The following DACT2 variants were observed in gnomAD, a reference collection of about 807,000 sequenced individuals.
The protein encoded by DACT2 is dapper homolog 2.
DACT2 carries 20 observed loss-of-function variants against 22.2 expected under a neutral mutation model. The observed-to-expected ratio is 0.90, with a 90% CI of 0.63 to 1.31. DACT2 has a LOEUF of 1.31. Among genes scored for constraint, DACT2 ranks in the 50% most tolerant of loss-of-function variants. The pLI, the probability that DACT2 is intolerant of heterozygous loss-of-function variation, is 0.00. For synonymous variants in DACT2, 463 were observed against 479.8 expected (o/e 0.96, Z 0.46); for missense variants, 1,048 against 1,061.4 (o/e 0.99, Z 0.18).
chr6:168,304,164 T>A (rs548815702), downstream of DACT2, among the ~76,000 whole-genome samples: 3 of 152,220 alleles, frequency 2.0e-5, no homozygotes, highest in South Asian at 4.1e-4. Flanking sequence ...ATCTAATCAA[T>A]CACACCCCCT....
In DACT2 at chr6:168,307,436, A is replaced by G. The variant is rs1779237786; in HGVS notation, c.2321T>C (p.Val774Ala). ...TCTTGACGCAGTCACTGCACCTCACACCATGGTCATGACCTTCAGGGCCGT... is the reference window on the plus strand; with the variant it reads ...TCTTGACGCAGTCACTGCACCTCACGCCATGGTCATGACCTTCAGGGCCGT... The part of the protein sequence containing the change: ...QPTALKVMTM[V>A] The change falls in exon 4 of 4, where the codon GTG becomes GCG. Residue 774 changes from valine to alanine, a missense_variant. Val to Ala is a moderately conservative substitution (Grantham distance 64). Coordinates refer to ENST00000366795, the MANE Select transcript of DACT2 (RefSeq NM_214462.5). This position sits in a 1 kb window ranked among gnomAD's most constrained non-coding sequence, Gnocchi z 5.3. The G allele has an allele frequency of 6.4e-7, 1 of 1,551,370 alleles. No individual in the cohort carries two copies. The highest frequency in any genetic ancestry group is 1.4e-5 in the African/African-American group (1 of 72,976).
intron 3 of DACT2, chr6:168,300,519 C>T (rs1008256107): frequency 6.6e-6 from 1 of 152,106 alleles, no homozygotes; most frequent in African/African-American, 2.4e-5. Flanking sequence ...GAGAATGAAG[C>T]TTTAGTTTAG....
chr6:168,294,551 G>A (rs1460574945), intron 4 of DACT2: 4 of 719,572 alleles, frequency 5.6e-6, no homozygotes, highest in Admixed American at 4.2e-5. Flanking sequence ...TAAAATATGT[G>A]TGTGTGTGTA....
chr6:168,311,594 A>ATACACACACACACC (rs1779413191), intron 1 of DACT2, among the ~76,000 whole-genome samples: 1 of 65,568 alleles, frequency 1.5e-5, no homozygotes, highest in African/African-American at 5.3e-5. Context: ...CCACACACAC[A>ATACACACACACACC]CATACACACA....
chr6:168,311,112 T>C (rs1779386356), intron 2 of DACT2, 40 bp downstream of exon 2: 1 of 1,493,702 alleles, frequency 6.7e-7, no homozygotes, highest in South Asian at 1.3e-5. Flanking sequence ...CTGTGCTGCG[T>C]GCCTGCCCCT....
intron 1 of DACT2, among the ~76,000 whole-genome samples, chr6:168,311,507 C>T (rs556371133): frequency 2.0e-5 from 3 of 151,118 alleles, no homozygotes; most frequent in Non-Finnish European, 4.4e-5. Flanking sequence ...CCCCCACACA[C>T]ATACACACAC....
intron 3 of DACT2, among the ~76,000 whole-genome samples, chr6:168,295,745 C>T (rs1778997072): frequency 6.6e-6 from 1 of 152,182 alleles, no homozygotes; most frequent in African/African-American, 2.4e-5. Flanking sequence ...GTGATCCACA[C>T]AGGTATAAAG....
chr6:168,299,845 C>A (rs537523782), intron 3 of DACT2: 1 of 152,460 alleles, frequency 6.6e-6, no homozygotes, highest in South Asian at 2.1e-4. Flanking sequence ...CCCGTCATTG[C>A]AGGAAGTCCC....
At chr6:168,296,439 T>C (rs1177051547) in intron 3 of DACT2, among the ~76,000 whole-genome samples, 38 of 134,614 alleles carry the variant, frequency 2.8e-4, no homozygotes, top group African/African-American at 1.1e-3. Flanking sequence ...AAACAGCGGA[T>C]CCATCCACAG....
At chr6:168,313,823 G>C (rs1288682498) in intron 1 of DACT2, among the ~76,000 whole-genome samples, 3 of 152,076 alleles carry the variant, frequency 2.0e-5, no homozygotes, top group Admixed American at 1.3e-4. Flanking sequence ...GTCTGTGCTG[G>C]GTTAATTGCT....
Position 168,319,658 on chromosome 6 carries a change from C to A in DACT2, c.-25G>T. ...TCTCCCGGGCAGGGTCCCGGCCTCC[C>A]GAACCCCACGAGCGGCGCCGGAGGC... On this transcript the variant is annotated 5_prime_UTR_variant, in exon 1 of 4. Coordinates refer to ENST00000366795, the MANE Select transcript of DACT2 (RefSeq NM_214462.5). 1.6e-6 allele frequency: 2 copies of A among 1,217,812 alleles called. No homozygotes were observed. The highest frequency in any genetic ancestry group is 6.7e-5 in the South Asian group (2 of 30,032). The allele number at this position is 1,217,812 out of a possible 1,614,324, so 75.4% of individuals were successfully genotyped here.
At chr6:168,309,563 C>T (rs1779342905) in intron 3 of DACT2, among the ~76,000 whole-genome samples, 1 of 126,106 alleles carries the variant, frequency 7.9e-6, no homozygotes, top group South Asian at 2.5e-4. Context: ...AGTTCAGCGC[C>T]CTCATTTCCC....
chr6:168,309,990 T>C (rs968932932), intron 3 of DACT2, among the ~76,000 whole-genome samples, 178 bp downstream of exon 3: 1 of 152,228 alleles, frequency 6.6e-6, no homozygotes, highest in Non-Finnish European at 1.5e-5. Context: ...CACAGCCGCA[T>C]TTGGTTCCTG....
Position 168,307,300 on chromosome 6 carries a change from A to G in DACT2, c.*132T>C. 6.8e-7 allele frequency: 1 copy of G among 1,470,372 alleles called. No homozygotes were observed. The highest frequency in any genetic ancestry group is 9.0e-7 in the Non-Finnish European group (1 of 1,112,100). The allele number at this position is 1,470,372 out of a possible 1,614,324, so 91.1% of individuals were successfully genotyped here. The stretch of plus-strand genomic sequence containing the variant: ...CACAGGGCAGAACCCATCTGCGGGG[A>G]CTCCTGTTAAACGGTGGCCTCGGAA... On this transcript the variant is annotated 3_prime_UTR_variant, in exon 4 of 4. Coordinates refer to ENST00000366795, the MANE Select transcript of DACT2 (RefSeq NM_214462.5). This position sits in a 1 kb window ranked among gnomAD's most constrained non-coding sequence, Gnocchi z 5.3.
chr6:168,313,541 C>A (rs1466449243), intron 1 of DACT2, among the ~76,000 whole-genome samples: 1 of 152,204 alleles, frequency 6.6e-6, no homozygotes, highest in African/African-American at 2.4e-5. Context: ...CAGGCGGGCT[C>A]TCCCACACCA....
chr6:168,311,584 CCACACACACACATA>C (rs1307552158), intron 1 of DACT2, among the ~76,000 whole-genome samples: 1 of 86,102 alleles, frequency 1.2e-5, no homozygotes, highest in Non-Finnish European at 2.3e-5. Context: ...ACACACCCAT[CCACACACACACATA>C]CACACACACT....
chr6:168,309,403 G>GGGGCCGTTTGCGTATAGA (rs1779331229), intron 3 of DACT2, among the ~76,000 whole-genome samples: 2 of 152,002 alleles, frequency 1.3e-5, no homozygotes, highest in African/African-American at 2.4e-5. Context: ...TCTAGACACC[G>GGGGCCGTTTGCGTATAGA]CACAGGGCCG....
At chr6:168,298,560 A>T (rs1263239566) in intron 3 of DACT2, 1 of 152,240 alleles carries the variant, frequency 6.6e-6, no homozygotes, top group Non-Finnish European at 1.5e-5. Context: ...GCTAAGTGTC[A>T]TGCTAACGCC....
chr6:168,303,727 G>C (rs555179272), downstream of DACT2, among the ~76,000 whole-genome samples: 1 of 152,364 alleles, frequency 6.6e-6, no homozygotes, highest in South Asian at 2.1e-4. Context: ...AGGATGTAGA[G>C]AGAAAACTTT....
Sources: gnomAD v4.1 joint callset for allele counts (sites outside exome capture counted in the v4.1 genomes callset) on GRCh38, gnomAD v4.1.1 for gene constraint, Gnocchi (gnomAD v3.1) non-coding constraint, MANE v1.5 for transcripts, NCBI Gene and HGNC (gene_info 2026-07-23, HGNC 2026-07-21) for gene names.